The following MALL variants were observed in gnomAD, a reference collection of about 807,000 sequenced individuals.
The protein encoded by MALL is mal, T cell differentiation protein like.
Under a neutral mutation model 10.3 loss-of-function variants are expected in MALL, and 2 were observed. That is an observed-to-expected ratio of 0.19 (90% CI 0.08 to 0.61). The LOEUF (loss-of-function observed/expected upper bound fraction) is 0.61, where lower values mean the gene tolerates loss of function less well. Ranked by LOEUF, MALL falls within the 20% of genes least tolerant of loss-of-function variation. MALL has a pLI of 0.88. For missense variants in MALL, 39 were observed against 115.2 expected (o/e 0.34, Z 3.03); for synonymous variants, 27 against 51.8 (o/e 0.52, Z 2.05).
At chr2:110,115,904 A>C (rs1242820976), upstream of MALL, 6 of 439,418 alleles carry the variant, frequency 1.4e-5, no homozygotes, top group Non-Finnish European at 2.3e-5. Flanking sequence ...AAAAAAAAAA[A>C]AAACGTTCCA....
intron 1 of MALL, among the ~76,000 whole-genome samples, chr2:110,104,864 G>C (rs1678652053): frequency 6.6e-6 from 1 of 152,186 alleles, no homozygotes; most frequent in Non-Finnish European, 1.5e-5. Flanking sequence ...CCTAAGAGCA[G>C]AGCATGGGGC....
At chr2:110,116,881 T>G (rs1678932306), upstream of MALL, among the ~76,000 whole-genome samples, 1 of 152,046 alleles carries the variant, frequency 6.6e-6, no homozygotes, top group Admixed American at 6.5e-5. Flanking sequence ...TGGGGAAGAT[T>G]GTGTGAGGGC....
intron 1 of MALL, among the ~76,000 whole-genome samples, chr2:110,096,142 C>G (rs996833801): frequency 3.3e-5 from 5 of 152,138 alleles, no homozygotes; most frequent in Admixed American, 6.5e-5. Flanking sequence ...CTCCTAGAAG[C>G]CTTTGGGGAC....
intron 1 of MALL, among the ~76,000 whole-genome samples, chr2:110,102,049 C>G (rs1678574307): frequency 1.3e-5 from 2 of 152,134 alleles, no homozygotes; most frequent in Admixed American, 1.3e-4. Context: ...CATTGATTAA[C>G]TTCATGTTCC....
chr2:110,095,517 A>T (rs1678421972), intron 1 of MALL, among the ~76,000 whole-genome samples: 1 of 152,136 alleles, frequency 6.6e-6, no homozygotes, highest in African/African-American at 2.4e-5. Context: ...ATTCTTCTCT[A>T]GAACATGAAG....
intron 1 of MALL, among the ~76,000 whole-genome samples, chr2:110,102,438 GT>G (rs1481905187): frequency 6.6e-6 from 1 of 152,106 alleles, no homozygotes; most frequent in African/African-American, 2.4e-5. Context: ...GTGCCCTGAG[GT>G]CTCTGTCCCT....
At chr2:110,111,771 C>T (rs1226974095) in intron 1 of MALL, among the ~76,000 whole-genome samples, 1 of 151,996 alleles carries the variant, frequency 6.6e-6, no homozygotes, top group Non-Finnish European at 1.5e-5. Flanking sequence ...GCCCACATAA[C>T]CAAAGCAAGA....
chr2:110,115,536 CCCCCCCCCTCTCT>C, intron 1 of MALL, 139 bp downstream of exon 1: 1 of 263,022 alleles, frequency 3.8e-6, no homozygotes, highest in Non-Finnish European at 6.4e-6. Flanking sequence ...AGGCCGGTCT[CCCCCCCCCTCTCT>C]GCAGGTGGCC....
At chr2:110,113,435 CA>C (rs58360665) in intron 1 of MALL, among the ~76,000 whole-genome samples, 1,326 of 31,810 alleles carry the variant, frequency 0.042, 4 homozygotes, top group African/African-American at 0.1. Context: ...GACTCTGTCT[CA>C]AAAAAAAAAA....
At chr2:110,108,150 A>G (rs1678732814) in intron 1 of MALL, among the ~76,000 whole-genome samples, 1 of 152,070 alleles carries the variant, frequency 6.6e-6, no homozygotes, top group Non-Finnish European at 1.5e-5. Context: ...CCAAAATCAC[A>G]CTAGTTCACC....
intron 1 of MALL, among the ~76,000 whole-genome samples, chr2:110,099,959 G>A (rs768153151): frequency 6.6e-6 from 1 of 151,994 alleles, no homozygotes; most frequent in Non-Finnish European, 1.5e-5. Context: ...CACTGCTGAG[G>A]AGCCCCTGGG....
chr2:110,107,284 T>C (rs2104390817), intron 1 of MALL, among the ~76,000 whole-genome samples: 1 of 152,194 alleles, frequency 6.6e-6, no homozygotes, highest in African/African-American at 2.4e-5. Context: ...GGGAGGAGGA[T>C]AGCCTGGGGC....
At chr2:110,112,138 T>A (rs1678815484) in intron 1 of MALL, among the ~76,000 whole-genome samples, 2 of 152,126 alleles carry the variant, frequency 1.3e-5, no homozygotes, top group African/African-American at 4.8e-5. Flanking sequence ...TTCTAGAAGA[T>A]AACATTGGCA....
At chr2:110,096,965 T>C (rs1678454606) in intron 1 of MALL, among the ~76,000 whole-genome samples, 1 of 151,980 alleles carries the variant, frequency 6.6e-6, no homozygotes, top group Non-Finnish European at 1.5e-5. Flanking sequence ...ATGACAAATA[T>C]AAAAGTTGTT....
chr2:110,103,407 GGAAA>G (rs1678618868), intron 1 of MALL, among the ~76,000 whole-genome samples: 1 of 152,124 alleles, frequency 6.6e-6, no homozygotes, highest in African/African-American at 2.4e-5. Context: ...GGGAGGGGCT[GGAAA>G]GAGATGAGGG....
chr2:110,101,219 C>T (rs1678557810), intron 1 of MALL, among the ~76,000 whole-genome samples: 1 of 152,148 alleles, frequency 6.6e-6, no homozygotes, highest in Non-Finnish European at 1.5e-5. Flanking sequence ...GGCAGAGGGG[C>T]ATCCTCAGTT....
At chr2:110,109,293 T>A (rs1678754302) in intron 1 of MALL, among the ~76,000 whole-genome samples, 1 of 152,100 alleles carries the variant, frequency 6.6e-6, no homozygotes, top group Admixed American at 6.5e-5. Flanking sequence ...AACCCTCTGC[T>A]GCCTTCAGGA....
chr2:110,105,229 C>T (rs1311355994), intron 1 of MALL, among the ~76,000 whole-genome samples: 1 of 152,222 alleles, frequency 6.6e-6, no homozygotes, highest in East Asian at 1.9e-4. Flanking sequence ...TACACAGTGC[C>T]CTCCCAGAGT....
At chr2:110,097,183 G>A (rs954223278) in intron 1 of MALL, among the ~76,000 whole-genome samples, 38 of 152,024 alleles carry the variant, frequency 2.5e-4, no homozygotes, top group African/African-American at 9.2e-4. Flanking sequence ...TGTACCCAGT[G>A]TGCTAGGATT....
Sources: gnomAD v4.1 joint callset for allele counts (sites outside exome capture counted in the v4.1 genomes callset) on GRCh38, gnomAD v4.1.1 for gene constraint, MANE v1.5 for transcripts, NCBI Gene and HGNC (gene_info 2026-07-23, HGNC 2026-07-21) for gene names.